EVA1C: variants seen among roughly 807,000 people sequenced by gnomAD.
EVA1C encodes eva-1 homolog C.
Under a neutral mutation model 45.4 loss-of-function variants are expected in EVA1C, and 25 were observed. The ratio of observed to expected loss-of-function variants is 0.55; its 90% CI spans 0.40 to 0.77. The LOEUF is 0.77. Ranked by LOEUF, EVA1C falls within the 30% of genes least tolerant of loss-of-function variation. EVA1C has a pLI of 0.00. For synonymous variants in EVA1C, 190 were observed against 221.2 expected, an observed-to-expected ratio of 0.86 and a Z score of 1.25; for missense variants, 479 against 554.8, an observed-to-expected ratio of 0.86 and a Z score of 1.37.
chr21:32,423,600 C>T (rs532147645), intron 1 of EVA1C, among the ~76,000 whole-genome samples: 2 of 152,120 alleles, frequency 1.3e-5, no homozygotes, highest in African/African-American at 4.8e-5. Context: ...CACAGACCTA[C>T]TAGATGACTC....
At chr21:32,437,758 A>G (rs1008382880) in intron 1 of EVA1C, among the ~76,000 whole-genome samples, 12 of 151,642 alleles carry the variant, frequency 7.9e-5, no homozygotes, top group African/African-American at 2.9e-4. Flanking sequence ...CTCTCCCTAC[A>G]CACCCTGCGT....
At chr21:32,513,589 A>G (rs916520949) in intron 7 of EVA1C, among the ~76,000 whole-genome samples, 1 of 117,546 alleles carries the variant, frequency 8.5e-6, no homozygotes, top group Non-Finnish European at 1.6e-5. Flanking sequence ...GTCTCACACT[A>G]TTACCTAGGT....
In EVA1C at chr21:32,457,733, G is replaced by A. The variant is rs369390789; in HGVS notation, c.481+13G>A. On this transcript the variant is annotated intron_variant, in intron 3 of 7. Transcript: ENST00000300255. Reference sequence around the variant, plus strand: ...AAATGCCAACCTAGTAAGTAACTTCGGAGGGGGACAGTGTGTTTGGGGTGT... The same window carrying A: ...AAATGCCAACCTAGTAAGTAACTTCAGAGGGGGACAGTGTGTTTGGGGTGT... The A allele has an allele frequency of 8.6e-5, 139 of 1,613,894 alleles. 1 individual carries two copies. The highest frequency in any genetic ancestry group is 5.4e-4 in the South Asian group (49 of 91,088).
chr21:32,474,583 T>C lies in EVA1C; in HGVS notation c.634+6735T>C, dbSNP rs773745913. ...GCATGGAGATAGACCATGGTATGTGTGTGTGGTTCATCTCCCCAGGAGCTA... is the reference window on the plus strand; with the variant it reads ...GCATGGAGATAGACCATGGTATGTGCGTGTGGTTCATCTCCCCAGGAGCTA... On this transcript the variant is annotated intron_variant, in intron 4 of 7. Transcript: ENST00000300255. This position sits in a 1 kb window ranked among gnomAD's most constrained non-coding sequence, Gnocchi z 4.4. Among the ~76,000 whole-genome samples, 1 of 152,230 alleles carries C rather than the reference T, an allele frequency of 6.6e-6. No individual in the cohort carries two copies. Among genetic ancestry groups the C allele is most frequent in the Non-Finnish European group, 1.5e-5 (1 of 68,040 alleles).
At chr21:32,493,104 T>G (rs995243837) in intron 4 of EVA1C, among the ~76,000 whole-genome samples, 1 of 152,218 alleles carries the variant, frequency 6.6e-6, no homozygotes. Context: ...AGTTTCTCAC[T>G]ATACAAGTGC....
chr21:32,509,441 C>T (rs569238050), intron 7 of EVA1C, among the ~76,000 whole-genome samples: 1 of 152,330 alleles, frequency 6.6e-6, no homozygotes, highest in Non-Finnish European at 1.5e-5. Flanking sequence ...AGAACCCAGA[C>T]ACCCACCTCC....
At chr21:32,448,604 G>C (rs2035449555) in intron 1 of EVA1C, among the ~76,000 whole-genome samples, 1 of 151,926 alleles carries the variant, frequency 6.6e-6, no homozygotes, top group African/African-American at 2.4e-5. Flanking sequence ...AGAAGTTCTA[G>C]GTTCATAGAA....
intron 4 of EVA1C, among the ~76,000 whole-genome samples, chr21:32,472,252 G>A (rs750664512): frequency 6.6e-5 from 10 of 152,070 alleles, no homozygotes; most frequent in East Asian, 1.9e-4. Flanking sequence ...TCCACCTCCC[G>A]GGTTCAGGTG....
rs1331767992 is a variant in EVA1C at position 32,467,714 on chromosome 21, C to T, written c.500C>T (p.Thr167Ile). The T allele has an allele frequency of 6.2e-7, 1 of 1,606,272 alleles. No individual in the cohort carries two copies. The highest frequency in any genetic ancestry group is 1.1e-5 in the South Asian group (1 of 89,686). The change falls in exon 4 of 8, where the codon ACC (threonine) becomes ATC (isoleucine). Residue 167 changes from threonine (T) to isoleucine (I), a missense_variant. Around this residue, in one of 3 missense-constraint regions of EVA1C, gnomAD observed 366 missense variants for 426.1 expected, o/e 0.86. Transcript: ENST00000300255. ...KCQPNELKNKTVCEDQELKLH... is the reference protein window; with the variant it reads ...KCQPNELKNKIVCEDQELKLH... ...GCTTCAGATGAATTAAAAAACAAAA[C>T]CGTGTGTGAAGACCAGGAGCTGAAA...
chr21:32,451,420 G>A (rs1156525503), intron 1 of EVA1C, among the ~76,000 whole-genome samples: 2 of 152,136 alleles, frequency 1.3e-5, no homozygotes, highest in East Asian at 1.9e-4. Context: ...CCTCCTTGCC[G>A]AGAAATAGTT....
At chr21:32,454,344 T>C (rs920383105) in intron 2 of EVA1C, among the ~76,000 whole-genome samples, 1 of 152,238 alleles carries the variant, frequency 6.6e-6, no homozygotes, top group African/African-American at 2.4e-5. Flanking sequence ...TGCTTGGAGC[T>C]ATTTTAGGCA....
At position 32,495,085 on chromosome 21, in the gene EVA1C, A is replaced by T. The variant is rs775994136; in HGVS notation, c.693A>T (p.Arg231Ser). The change falls in exon 5 of 8, where the codon AGA becomes AGT. Residue 231 changes from arginine to serine, a missense_variant. Around this residue, in one of 3 missense-constraint regions of EVA1C, gnomAD observed 366 missense variants for 426.1 expected, o/e 0.86. Coordinates refer to ENST00000300255, the MANE Select transcript of EVA1C (RefSeq NM_058187.5). ...VLSRRCYGKQ[R>S]CKIIVNNHHF... ...CCCGAAGGTGCTATGGGAAGCAGAG[A>T]TGCAAAATCATCGTCAACAATCACC... The T allele has an allele frequency of 6.2e-7, 1 of 1,614,136 alleles. No individual in the cohort carries two copies. The highest frequency in any genetic ancestry group is 8.5e-7 in the Non-Finnish European group (1 of 1,180,026).
chr21:32,467,932 TC>T, intron 4 of EVA1C, 84 bp downstream of exon 4: 1 of 896,912 alleles, frequency 1.1e-6, no homozygotes, highest in Non-Finnish European at 1.5e-6. Flanking sequence ...CCTATATATA[TC>T]CTATATGATT....
At chr21:32,428,193 A>G (rs2034564509) in intron 1 of EVA1C, 1 of 151,906 alleles carries the variant, frequency 6.6e-6, no homozygotes, top group African/African-American at 2.4e-5. Flanking sequence ...TGCTCAAACC[A>G]CTCATTTGGG....
intron 1 of EVA1C, among the ~76,000 whole-genome samples, chr21:32,422,129 GA>G (rs2034303969): frequency 6.6e-6 from 1 of 150,942 alleles, no homozygotes; most frequent in African/African-American, 2.4e-5. Flanking sequence ...AGGCTATCGA[GA>G]AAAAACAGGT....
intron 1 of EVA1C, among the ~76,000 whole-genome samples, chr21:32,439,366 C>T (rs1668276738): frequency 6.6e-6 from 1 of 152,090 alleles, no homozygotes; most frequent in South Asian, 2.1e-4. Context: ...TGAAGCGGAG[C>T]CAGGTCACTG....
chr21:32,502,252 C>T (rs1482120220), intron 6 of EVA1C, among the ~76,000 whole-genome samples: 1 of 151,962 alleles, frequency 6.6e-6, no homozygotes, highest in African/African-American at 2.4e-5. Context: ...GCGTCCACCA[C>T]CACACCTGGC....
Position 32,452,241 on chromosome 21 carries a change from G to A in EVA1C, c.161-1071G>A, listed in dbSNP as rs2035607382. 2 of 152,346 alleles carry A rather than the reference G, an allele frequency of 1.3e-5. No homozygotes were observed. The highest frequency in any genetic ancestry group is 3.9e-4 in the East Asian group (2 of 5,170). The allele number at this position is 152,346 out of a possible 1,614,324, so 9.4% of individuals were successfully genotyped here. On this transcript the variant is annotated intron_variant, in intron 1 of 7. Coordinates refer to ENST00000300255, the MANE Select transcript of EVA1C (RefSeq NM_058187.5). The surrounding 1 kb of genome is among the most constrained non-coding windows in gnomAD (Gnocchi z 4.0). ...CTTGGCTCCTGGCCAATATCTTAGT[G>A]CTTCCTGAAGGGGAAAGAGCCCTCC...
intron 5 of EVA1C, chr21:32,497,201 G>A (rs2037380843): frequency 2.5e-6 from 2 of 809,342 alleles, no homozygotes; most frequent in Non-Finnish European, 4.4e-6. Flanking sequence ...AAGAGTATGG[G>A]TTAAGGGAAA....
Sources: allele counts gnomAD v4.1 joint callset (sites outside exome capture counted in the v4.1 genomes callset), GRCh38; gene constraint gnomAD v4.1.1; regional missense constraint gnomAD v4.1.1; non-coding constraint Gnocchi (gnomAD v3.1); transcripts MANE v1.5; gene names NCBI Gene and HGNC (gene_info 2026-07-23, HGNC 2026-07-21).